CCNB2: variants seen among roughly 807,000 people sequenced by gnomAD.
The protein encoded by CCNB2 is cyclin B2, also known as G2/mitotic-specific cyclin-B2.
A neutral mutation model predicts 51.1 loss-of-function variants in CCNB2; 39 were observed. That is an observed-to-expected ratio of 0.76 (90% CI 0.59 to 1.00). The LOEUF (loss-of-function observed/expected upper bound fraction) is 1.00, where lower values mean the gene tolerates loss of function less well. Ranked by LOEUF, CCNB2 falls within the 50% of genes least tolerant of loss-of-function variation. The pLI, the probability that CCNB2 is intolerant of heterozygous loss-of-function variation, is 0.00. For synonymous variants in CCNB2, 174 were observed against 165.5 expected (o/e 1.05, Z -0.40); for missense variants, 472 against 470.3 (o/e 1.00, Z -0.03).
intron 3 of CCNB2, among the ~76,000 whole-genome samples, chr15:59,109,413 T>C (rs566798242): frequency 2.0e-5 from 3 of 152,348 alleles, no homozygotes; most frequent in African/African-American, 7.2e-5. Context: ...CAAGTACTTT[T>C]AGATAGTGCT....
At position 59,105,261 on chromosome 15, in the gene CCNB2, C is replaced by A; in HGVS notation, c.-8C>A. 2 of 1,566,844 alleles carry A rather than the reference C, an allele frequency of 1.3e-6. No individual in the cohort carries two copies. The highest frequency in any genetic ancestry group is 4.7e-5 in the East Asian group (2 of 42,350). ...GCCGGGCTGGCACTCTTGCCTTCCC[C>A]GTCCCTCATGGCGCTGCTCCGACGC... On this transcript the variant is annotated 5_prime_UTR_variant, in exon 1 of 9. Coordinates refer to ENST00000288207, the MANE Select transcript of CCNB2 (RefSeq NM_004701.4).
chr15:59,116,590 A>G (rs1205840166), intron 5 of CCNB2, 100 bp from the exon 6 acceptor site: 2 of 798,872 alleles, frequency 2.5e-6, no homozygotes, highest in Non-Finnish European at 4.2e-6. Context: ...AGCAAAGACA[A>G]TGTGCACTTT....
At position 59,109,027 on chromosome 15, in the gene CCNB2, G is replaced by A. The variant is rs960741177; in HGVS notation, c.267+1357G>A. 2.6e-5 allele frequency among the ~76,000 whole-genome samples: 4 copies of A among 152,148 alleles called. No homozygotes were observed. In the East Asian group the frequency reaches 5.8e-4, roughly 22 times the overall value. On this transcript the variant is annotated intron_variant, in intron 3 of 8. Transcript: ENST00000288207. The stretch of plus-strand genomic sequence containing the variant: ...GTTTGAATGTGGTTCCTCCCACATC[G>A]CAGGAGGGCGATTTGGCAGTATATG...
intron 3 of CCNB2, among the ~76,000 whole-genome samples, chr15:59,111,829 C>A (rs187717058): frequency 5.3e-5 from 8 of 149,624 alleles, no homozygotes; most frequent in Admixed American, 2.0e-4. Context: ...TTCCCAAATT[C>A]TATTCTATTC....
At chr15:59,121,923 C>G (rs2079303388) in intron 7 of CCNB2, among the ~76,000 whole-genome samples, 2 of 96,962 alleles carry the variant, frequency 2.1e-5, no homozygotes, top group Non-Finnish European at 3.8e-5. Context: ...CAGAATGAGA[C>G]TCTGTCTCAA....
At chr15:59,123,712 C>A in intron 8 of CCNB2, 85 bp downstream of exon 8, 2 of 702,628 alleles carry the variant, frequency 2.8e-6, no homozygotes, top group South Asian at 1.6e-5. Flanking sequence ...GCGGTGTGTG[C>A]CGTCATGTAA....
intron 3 of CCNB2, among the ~76,000 whole-genome samples, chr15:59,108,270 GAAGAT>G (rs1266544740): frequency 6.6e-6 from 1 of 152,212 alleles, no homozygotes; most frequent in African/African-American, 2.4e-5. Context: ...TGAGGAACCA[GAAGAT>G]AAGGCTGGGA....
intron 3 of CCNB2, among the ~76,000 whole-genome samples, chr15:59,112,396 G>A (rs2079261127): frequency 6.6e-6 from 1 of 151,412 alleles, no homozygotes; most frequent in African/African-American, 2.4e-5. Context: ...CCAGGCTGGA[G>A]TGCAGTGGTG....
chr15:59,107,523 G>GTCTTGCGCTAT, intron 2 of CCNB2, 34 bp from the exon 3 acceptor site: 3 of 1,613,490 alleles, frequency 1.9e-6, no homozygotes, highest in Non-Finnish European at 2.5e-6. Flanking sequence ...AACGCTGGCT[G>GTCTTGCGCTAT]TCTTGCGCTA....
intron 7 of CCNB2, 63 bp downstream of exon 7, chr15:59,117,431 G>A: frequency 1.3e-6 from 2 of 1,522,716 alleles, no homozygotes; most frequent in Non-Finnish European, 1.8e-6. Context: ...AATACAAAAG[G>A]CCTTAGCATT....
intron 8 of CCNB2, chr15:59,123,943 T>G (rs895884115): frequency 1.3e-5 from 3 of 223,952 alleles, no homozygotes; most frequent in Non-Finnish European, 2.7e-5. Context: ...GGAGGGCACT[T>G]TGCAAGCAGG....
At chr15:59,115,477 G>A (rs1231507632) in intron 5 of CCNB2, 1 of 152,214 alleles carries the variant, frequency 6.6e-6, no homozygotes, top group East Asian at 1.9e-4. Context: ...GTAATGCACA[G>A]CCCCTGACCT....
intron 1 of CCNB2, among the ~76,000 whole-genome samples, 199 bp downstream of exon 1, chr15:59,105,491 C>A (rs2079231894): frequency 6.6e-6 from 1 of 152,252 alleles, no homozygotes. Context: ...ATTCCGCCCT[C>A]CCCTAACCCC....
At chr15:59,106,325 C>A (rs1157715025) in intron 1 of CCNB2, among the ~76,000 whole-genome samples, 1 of 152,132 alleles carries the variant, frequency 6.6e-6, no homozygotes, top group Non-Finnish European at 1.5e-5. Flanking sequence ...GTCCAACTGA[C>A]AAGTAATTTT....
In CCNB2 at chr15:59,114,853, G is replaced by A; in HGVS notation, c.574G>A (p.Gly192Ser). ...LLQETLYMCV[G>S]IMDRFLQVQP... ...GCAGGAGACTCTGTACATGTGCGTT[G>A]GCATTATGGATCGATTTTTACAGGT... The change falls in exon 5 of 9, where the codon GGC becomes AGC. Residue 192 changes from glycine (G) to serine (S), a missense_variant. Gly to Ser is a moderately conservative substitution (Grantham distance 56). Transcript: ENST00000288207. 1 of 1,613,430 alleles carries A rather than the reference G, an allele frequency of 6.2e-7. No individual in the cohort carries two copies. The highest frequency in any genetic ancestry group is 8.5e-7 in the Non-Finnish European group (1 of 1,179,472).
At chr15:59,105,332 C>A (rs376989309) in intron 1 of CCNB2, 40 bp downstream of exon 1, 1 of 1,540,990 alleles carries the variant, frequency 6.5e-7, no homozygotes, top group Non-Finnish European at 8.7e-7. Context: ...GCGAGTCCGT[C>A]GGCCCCACAG....
intron 3 of CCNB2, among the ~76,000 whole-genome samples, chr15:59,111,894 C>T (rs1235779709): frequency 7.0e-6 from 1 of 143,572 alleles, no homozygotes; most frequent in Admixed American, 7.2e-5. Flanking sequence ...CACTCTGTCT[C>T]TAGGCTGGAG....
Position 59,105,171 on chromosome 15 carries a change from G to A in CCNB2, c.-98G>A. On this transcript the variant is annotated 5_prime_UTR_variant, in exon 1 of 9. Coordinates refer to ENST00000288207, the MANE Select transcript of CCNB2 (RefSeq NM_004701.4). ...GAAGATCCCCAGCGCTGCGGGCTCG[G>A]AGAGCAGTCCTAACGGCGCCTCGTA... 4 of 1,144,496 alleles carry A rather than the reference G, an allele frequency of 3.5e-6. No homozygotes were observed. The highest frequency in any genetic ancestry group is 5.0e-6 in the Non-Finnish European group (4 of 800,292). The allele number at this position is 1,144,496 out of a possible 1,614,324, so 70.9% of individuals were successfully genotyped here. A position where few individuals can be genotyped will look rare whatever the true frequency, so the allele number is the denominator to read the frequency against.
Position 59,123,852 on chromosome 15 carries a change from G to GCCATGTCCAGGCCCAGATC in CCNB2, c.1086+229_1086+247dup, listed in dbSNP as rs2079314067. 8.8e-6 allele frequency: 4 copies of GCCATGTCCAGGCCCAGATC among 455,774 alleles called. No individual in the cohort carries two copies. The South Asian group carries it at 1.1e-4, about 12-fold the overall frequency. 28.2% of individuals were successfully genotyped at this position (455,774 alleles called of 1,614,324 possible). ...TATTTGAAACAAGGTCGATAGGCTA[G>GCCATGTCCAGGCCCAGATC]CCATGTCCAGGCCCAGATCCCAGTC... On this transcript the variant is annotated intron_variant, in intron 8 of 8. Transcript: ENST00000288207.
Sources: gnomAD v4.1 joint callset for allele counts (sites outside exome capture counted in the v4.1 genomes callset) on GRCh38, gnomAD v4.1.1 for gene constraint, MANE v1.5 for transcripts, NCBI Gene and HGNC (gene_info 2026-07-23, HGNC 2026-07-21) for gene names.